TEC: variants seen among roughly 807,000 people sequenced by gnomAD.
TEC encodes tyrosine-protein kinase Tec.
In TEC, 72 loss-of-function variants were observed where a neutral mutation model predicts 93.0. The ratio of observed to expected loss-of-function variants is 0.77; its 90% CI spans 0.64 to 0.94. The LOEUF (loss-of-function observed/expected upper bound fraction) is 0.94, where lower values mean the gene tolerates loss of function less well. TEC is among the 40% of genes least tolerant of loss of function. The pLI is 0.00. For missense variants in TEC, 630 were observed against 757.9 expected (o/e 0.83, Z 1.98); for synonymous variants, 249 against 247.7 (o/e 1.01, Z -0.05).
chr4:48,140,694 A>G (rs970043416), intron 15 of TEC, among the ~76,000 whole-genome samples: 38 of 152,196 alleles, frequency 2.5e-4, no homozygotes, highest in African/African-American at 8.0e-4. Flanking sequence ...TTGGAATTTC[A>G]GATTTTTTTT....
chr4:48,248,568 GCAAA>G (rs1262119817), intron 1 of TEC, among the ~76,000 whole-genome samples: 5 of 152,232 alleles, frequency 3.3e-5, no homozygotes, highest in African/African-American at 1.2e-4. Context: ...AGGCCTTTTT[GCAAA>G]CAATCCAGCC....
chr4:48,153,154 C>T (rs574103016), intron 9 of TEC, among the ~76,000 whole-genome samples: 12 of 151,706 alleles, frequency 7.9e-5, no homozygotes, highest in East Asian at 1.9e-4. Flanking sequence ...CATCTATTAA[C>T]GCTTTATTTA....
chr4:48,136,001 GAC>G lies in TEC; in HGVS notation c.*1413_*1414del, dbSNP rs1719396518. 6.6e-6 allele frequency: 1 copy of G among 152,232 alleles called. No homozygotes were observed. The highest frequency in any genetic ancestry group is 2.4e-5 in the African/African-American group (1 of 41,448). 9.4% of individuals were successfully genotyped at this position (152,232 alleles called of 1,614,324 possible). ...GCAGACCATCGTGGCCTGCAGAGGAGACGCAACTCCTGAAGGGAAGGCGCTGT... is the reference window on the plus strand; with the variant it reads ...GCAGACCATCGTGGCCTGCAGAGGAGGCAACTCCTGAAGGGAAGGCGCTGT... On this transcript the variant is annotated 3_prime_UTR_variant, in exon 18 of 18. Coordinates refer to ENST00000381501, the MANE Select transcript of TEC (RefSeq NM_003215.3).
At chr4:48,143,514 C>T (rs529577223) in intron 14 of TEC, among the ~76,000 whole-genome samples, 2 of 152,284 alleles carry the variant, frequency 1.3e-5, no homozygotes, top group Non-Finnish European at 2.9e-5. Context: ...TTTTACAAAG[C>T]CCATTGCCCC....
intron 2 of TEC, among the ~76,000 whole-genome samples, chr4:48,201,423 G>C (rs1231396639): frequency 6.6e-6 from 1 of 152,152 alleles, no homozygotes; most frequent in Non-Finnish European, 1.5e-5. Flanking sequence ...GTCTTCTAAG[G>C]CAAGCACAGA....
chr4:48,181,682 AAAAAAG>A (rs1391641095), intron 2 of TEC, among the ~76,000 whole-genome samples: 4 of 116,004 alleles, frequency 3.4e-5, no homozygotes, highest in Non-Finnish European at 5.9e-5. Context: ...CAAAAAAAAA[AAAAAAG>A]AAAAAAGAAA....
chr4:48,167,898 A>G lies in TEC; in HGVS notation c.551T>C (p.Val184Ala), dbSNP rs1285467499. 1.9e-6 allele frequency: 3 copies of G among 1,613,710 alleles called. No homozygotes were observed. Among genetic ancestry groups the G allele is most frequent in the African/African-American group, 2.7e-5 (2 of 74,856 alleles). ...TGCTTGGAAATCATACATGGCTACA[A>G]CGATTTCTTCACTATTATCTTCTTC... ...LEEEDNSEEI[V>A]VAMYDFQAAE... Residue 184 changes from valine (V) to alanine (A), a missense_variant, in exon 7 of 18, where the codon GTT (valine) becomes GCT (alanine). Physicochemically the swap from Val to Ala is moderately conservative, Grantham distance 64. This residue lies in a region of TEC where 335 missense variants were observed against 351.5 expected (regional missense o/e 0.95). Transcript: ENST00000381501.
At chr4:48,155,972 C>T (rs1057365487) in intron 9 of TEC, 1 of 152,242 alleles carries the variant, frequency 6.6e-6, no homozygotes, top group African/African-American at 2.4e-5. Context: ...ACTAACTATT[C>T]TCTCTACCTG....
intron 9 of TEC, among the ~76,000 whole-genome samples, chr4:48,152,924 T>G (rs528302172): frequency 5.8e-4 from 89 of 152,308 alleles, no homozygotes; most frequent in African/African-American, 2.1e-3. Context: ...AAACAATAAC[T>G]AAATAGAATA....
intron 7 of TEC, among the ~76,000 whole-genome samples, chr4:48,164,028 G>C (rs7678246): frequency 0.74 from 112,944 of 152,046 alleles, 42,525 homozygotes; most frequent in East Asian, 0.92. Flanking sequence ...GCTTAGAAAG[G>C]TTATAGGATT....
At chr4:48,204,552 C>T (rs536372402) in intron 2 of TEC, among the ~76,000 whole-genome samples, 1 of 152,306 alleles carries the variant, frequency 6.6e-6, no homozygotes, top group Non-Finnish European at 1.5e-5. Context: ...CAGCTATTAT[C>T]TAAGTCCCAT....
At chr4:48,154,797 G>C (rs978486586) in intron 9 of TEC, among the ~76,000 whole-genome samples, 2 of 152,098 alleles carry the variant, frequency 1.3e-5, no homozygotes, top group Admixed American at 6.6e-5. Context: ...GTTAAAACAA[G>C]GGTCTTAATA....
intron 2 of TEC, among the ~76,000 whole-genome samples, chr4:48,185,245 TAA>T (rs1402541105): frequency 6.6e-6 from 1 of 152,194 alleles, no homozygotes; most frequent in African/African-American, 2.4e-5. Flanking sequence ...CAAATGACCC[TAA>T]AAGGCCTATT....
chr4:48,230,312 G>A (rs1241066370), intron 1 of TEC, among the ~76,000 whole-genome samples: 1 of 151,898 alleles, frequency 6.6e-6, no homozygotes, highest in Non-Finnish European at 1.5e-5. Context: ...TTTTCTATAA[G>A]GTTCCTTTAC....
intron 3 of TEC, among the ~76,000 whole-genome samples, chr4:48,171,977 C>G (rs950366241): frequency 6.6e-6 from 1 of 152,198 alleles, no homozygotes; most frequent in Non-Finnish European, 1.5e-5. Context: ...ACCCAGGCCC[C>G]CACTCCTGTG....
intron 2 of TEC, among the ~76,000 whole-genome samples, chr4:48,225,527 A>G (rs371858102): frequency 1.2e-4 from 18 of 152,240 alleles, no homozygotes; most frequent in African/African-American, 4.3e-4. Flanking sequence ...GATGGAAATC[A>G]GAAGATTGAT....
chr4:48,195,898 G>T (rs1451050028), intron 2 of TEC, among the ~76,000 whole-genome samples: 2 of 152,120 alleles, frequency 1.3e-5, no homozygotes, highest in East Asian at 1.9e-4. Context: ...GCAAAATACA[G>T]AATCCCCACT....
chr4:48,190,650 G>A (rs1250861150), intron 2 of TEC, among the ~76,000 whole-genome samples: 1 of 152,128 alleles, frequency 6.6e-6, no homozygotes, highest in Non-Finnish European at 1.5e-5. Context: ...CATTATCTGT[G>A]GATCACAACT....
At position 48,170,389 on chromosome 4, in the gene TEC, G is replaced by A; in HGVS notation, c.326-13C>T. On this transcript the variant is annotated splice_polypyrimidine_tract_variant and intron_variant, in intron 4 of 17. Transcript: ENST00000381501. ...TTGTTCTTTATTTCTGTAATTCACA[G>A]ATATAGTAATTAATAGTGAAATACA... is the stretch of plus-strand genomic sequence containing the variant. 2.3e-6 allele frequency: 3 copies of A among 1,322,222 alleles called. No individual in the cohort carries two copies. The South Asian group carries it at 3.9e-5, about 17-fold the overall frequency. 81.9% of individuals were successfully genotyped at this position (1,322,222 alleles called of 1,614,324 possible). A position where few individuals can be genotyped will look rare whatever the true frequency, so the allele number is the denominator to read the frequency against.
Sources: gnomAD v4.1 joint callset for allele counts (sites outside exome capture counted in the v4.1 genomes callset) on GRCh38, gnomAD v4.1.1 for gene constraint, gnomAD v4.1.1 regional missense constraint, MANE v1.5 for transcripts, NCBI Gene and HGNC (gene_info 2026-07-23, HGNC 2026-07-21) for gene names.